Variants in C6orf118 observed in about 807,000 individuals in gnomAD.
C6orf118 encodes the protein uncharacterized protein C6orf118.
In C6orf118, 50 loss-of-function variants were observed where a neutral mutation model predicts 50.2. The ratio of observed to expected loss-of-function variants is 1.00; its 90% CI spans 0.79 to 1.26. The LOEUF (loss-of-function observed/expected upper bound fraction) is 1.26. Among genes scored for constraint, C6orf118 ranks in the 50% most tolerant of loss-of-function variants. C6orf118 has a pLI of 0.00. For synonymous variants in C6orf118, 239 were observed against 230.9 expected, an observed-to-expected ratio of 1.03 and a Z score of -0.32; for missense variants, 641 against 578.7, an observed-to-expected ratio of 1.11 and a Z score of -1.10.
At chr6:165,292,388 T>C (rs1048647133) in intron 6 of C6orf118, among the ~76,000 whole-genome samples, 1 of 152,156 alleles carries the variant, frequency 6.6e-6, no homozygotes, top group Non-Finnish European at 1.5e-5. Flanking sequence ...ATGGGAACAG[T>C]GGGCTAGGAT....
At chr6:165,296,418 AC>A (rs1254595491) in intron 5 of C6orf118, among the ~76,000 whole-genome samples, 1 of 151,228 alleles carries the variant, frequency 6.6e-6, no homozygotes, top group African/African-American at 2.4e-5. Flanking sequence ...GCCTTAAACA[AC>A]CACCTCCCAG....
intron 5 of C6orf118, among the ~76,000 whole-genome samples, chr6:165,294,980 T>C (rs1171953582): frequency 2.0e-5 from 3 of 152,154 alleles, no homozygotes; most frequent in Non-Finnish European, 4.4e-5. Context: ...TTCCAGAAAA[T>C]TTTTACATAT....
At chr6:165,285,887 A>G (rs1171108188) in intron 7 of C6orf118, among the ~76,000 whole-genome samples, 2 of 151,970 alleles carry the variant, frequency 1.3e-5, no homozygotes, top group African/African-American at 2.4e-5. Flanking sequence ...GTGCAAACAA[A>G]CCCCAAAGCA....
intron 5 of C6orf118, among the ~76,000 whole-genome samples, chr6:165,294,462 A>T (rs1398709867): frequency 2.6e-5 from 4 of 152,162 alleles, no homozygotes; most frequent in African/African-American, 9.7e-5. Context: ...ATTTGATTTA[A>T]AACATCCACA....
intron 4 of C6orf118, among the ~76,000 whole-genome samples, chr6:165,298,960 T>C (rs1583019968): frequency 6.6e-6 from 1 of 152,246 alleles, no homozygotes; most frequent in African/African-American, 2.4e-5. Context: ...TCTTAGGTTT[T>C]ATAAGTGATA....
At chr6:165,284,906 G>C (rs1320539425) in intron 7 of C6orf118, among the ~76,000 whole-genome samples, 1 of 152,012 alleles carries the variant, frequency 6.6e-6, no homozygotes, top group East Asian at 1.9e-4. Context: ...AACTACATTA[G>C]CAGGTGTGCA....
At chr6:165,308,878 T>C (rs1378736441) in intron 1 of C6orf118, among the ~76,000 whole-genome samples, 1 of 152,328 alleles carries the variant, frequency 6.6e-6, no homozygotes, top group East Asian at 1.9e-4. Flanking sequence ...AAATTTCTTT[T>C]AAATCATTTT....
intron 5 of C6orf118, among the ~76,000 whole-genome samples, chr6:165,293,879 C>T (rs74333133): frequency 0.13 from 19,877 of 152,168 alleles, 2,007 homozygotes; most frequent in African/African-American, 0.28. Flanking sequence ...CTGAAATACA[C>T]GGCATCTTTC....
At chr6:165,281,450 C>G in intron 8 of C6orf118, 190 bp downstream of exon 8, 1 of 1,277,474 alleles carries the variant, frequency 7.8e-7, no homozygotes, top group Non-Finnish European at 1.0e-6. Context: ...TGATACTGCT[C>G]TAGTTCTTTT....
intron 4 of C6orf118, among the ~76,000 whole-genome samples, chr6:165,298,349 TG>T (rs766592182): frequency 2.6e-5 from 4 of 152,180 alleles, no homozygotes; most frequent in Non-Finnish European, 5.9e-5. Flanking sequence ...AATGGAAAGA[TG>T]GTAGGGAATT....
intron 5 of C6orf118, among the ~76,000 whole-genome samples, chr6:165,294,841 C>A (rs1050123979): frequency 6.6e-6 from 1 of 152,224 alleles, no homozygotes; most frequent in South Asian, 2.1e-4. Context: ...CATGATCATG[C>A]CACTACACTC....
chr6:165,289,270 C>A (rs1433656257), intron 7 of C6orf118, among the ~76,000 whole-genome samples: 1 of 151,588 alleles, frequency 6.6e-6, no homozygotes. Context: ...GTTGGACCAC[C>A]AACACCTTTC....
At chr6:165,297,250 GTC>G (rs1780341327) in intron 5 of C6orf118, among the ~76,000 whole-genome samples, 1 of 152,024 alleles carries the variant, frequency 6.6e-6, no homozygotes, top group Non-Finnish European at 1.5e-5. Context: ...GTGAAACCCT[GTC>G]TCTACTAAAA....
At chr6:165,308,890 T>A (rs1780841760) in intron 1 of C6orf118, among the ~76,000 whole-genome samples, 1 of 152,354 alleles carries the variant, frequency 6.6e-6, no homozygotes, top group African/African-American at 2.4e-5. Context: ...AATCATTTTC[T>A]TGTTGAGACT....
chr6:165,293,099 T>C, intron 6 of C6orf118: 1 of 285,974 alleles, frequency 3.5e-6, no homozygotes, highest in East Asian at 6.4e-5. Flanking sequence ...TTCAAAATAA[T>C]TTTAATATCT....
Position 165,284,972 on chromosome 6 carries a change from C to A in C6orf118, c.1303-3279G>T, listed in dbSNP as rs1181327643. 2.0e-5 allele frequency among the ~76,000 whole-genome samples: 3 copies of A among 152,116 alleles called. No individual in the cohort carries two copies. In the East Asian group the frequency reaches 5.8e-4, roughly 29 times the overall value. On this transcript the variant is annotated intron_variant, in intron 7 of 8. Coordinates refer to ENST00000230301, the MANE Select transcript of C6orf118 (RefSeq NM_144980.4). Reference sequence around the variant, plus strand: ...TCAAATTCACATATAACAATATTAACCTTAAATGTAAATGGGCTAAATGCC... The same window carrying A: ...TCAAATTCACATATAACAATATTAAACTTAAATGTAAATGGGCTAAATGCC...
At chr6:165,308,213 T>G (rs974458211) in intron 1 of C6orf118, among the ~76,000 whole-genome samples, 1 of 152,180 alleles carries the variant, frequency 6.6e-6, no homozygotes, top group Non-Finnish European at 1.5e-5. Context: ...AAGGGGACTT[T>G]ACCAGCTGAA....
intron 5 of C6orf118, among the ~76,000 whole-genome samples, chr6:165,294,748 G>A (rs1171650573): frequency 6.6e-6 from 1 of 151,882 alleles, no homozygotes; most frequent in Non-Finnish European, 1.5e-5. Flanking sequence ...AAATTAGTCA[G>A]GTGTGGTGCC....
Position 165,300,497 on chromosome 6 carries a change from A to C in C6orf118, c.754-11T>G, listed in dbSNP as rs1215147641. The C allele has an allele frequency of 6.2e-7, 1 of 1,606,782 alleles. No individual in the cohort carries two copies. Among genetic ancestry groups the C allele is most frequent in the Non-Finnish European group, 8.5e-7 (1 of 1,177,206 alleles). On this transcript the variant is annotated splice_polypyrimidine_tract_variant and intron_variant, in intron 2 of 8. Transcript: ENST00000230301. The stretch of plus-strand genomic sequence containing the variant: ...AATTTTCTGGAGCTCCTGGAGGAAA[A>C]ACAGAGTCAGCCCATTTCAGGGTGG...
Sources: allele counts gnomAD v4.1 joint callset (sites outside exome capture counted in the v4.1 genomes callset), GRCh38; gene constraint gnomAD v4.1.1; transcripts MANE v1.5; gene names NCBI Gene and HGNC (gene_info 2026-07-23, HGNC 2026-07-21).